The following PTPRD variants were observed in gnomAD, a reference collection of about 807,000 sequenced individuals.
PTPRD encodes receptor-type tyrosine-protein phosphatase delta.
In PTPRD, 34 loss-of-function variants were observed where a neutral mutation model predicts 214.5. The ratio of observed to expected loss-of-function variants is 0.16; its 90% CI spans 0.12 to 0.21. The LOEUF is 0.21. Ranked by LOEUF, PTPRD falls within the 10% of genes least tolerant of loss-of-function variation. The pLI is 1.00. For synonymous variants in PTPRD, 1,128 were observed against 845.7 expected (o/e 1.33, Z -5.79); for missense variants, 2,545 against 2,398.7 (o/e 1.06, Z -1.27).
intron 2 of PTPRD, among the ~76,000 whole-genome samples, chr9:10,533,827 C>T (rs1244234236): frequency 6.6e-6 from 1 of 151,736 alleles, no homozygotes; most frequent in Middle Eastern, 3.2e-3. Context: ...TTCATCTGAA[C>T]ACTAGTGACC....
At chr9:10,490,214 G>T (rs2039745373) in intron 2 of PTPRD, among the ~76,000 whole-genome samples, 1 of 152,138 alleles carries the variant, frequency 6.6e-6, no homozygotes, top group Admixed American at 6.5e-5. Flanking sequence ...GTAGACAGGA[G>T]AAAATGATTA....
At chr9:9,702,752 A>G (rs2097528578) in intron 7 of PTPRD, among the ~76,000 whole-genome samples, 1 of 152,178 alleles carries the variant, frequency 6.6e-6, no homozygotes, top group African/African-American at 2.4e-5. Context: ...GGAAATGCAT[A>G]AAAAGAGCAG....
intron 30 of PTPRD, 62 bp from the exon 31 acceptor site, chr9:8,471,147 C>G: frequency 7.2e-7 from 1 of 1,395,676 alleles, no homozygotes; most frequent in Non-Finnish European, 1.0e-6. Flanking sequence ...TGGATATACC[C>G]TTAAACCTTC....
rs2090381770 is a variant in PTPRD, at chr9:9,938,599, T to C, written c.-460A>G. On this transcript the variant is annotated 5_prime_UTR_variant, in exon 5 of 46. Transcript: ENST00000381196. ...ATCACGGGCCAGGAACTGCTTGCCT[T>C]TTATTTTCCACCTGGAACAAAACAT... The C allele has an allele frequency of 6.6e-6, 1 of 152,146 alleles. No homozygotes were observed. Among genetic ancestry groups the C allele is most frequent in the Non-Finnish European group, 1.5e-5 (1 of 68,032 alleles). The allele number at this position is 152,146 out of a possible 1,614,324, so 9.4% of individuals were successfully genotyped here. A position where few individuals can be genotyped will look rare whatever the true frequency, so the allele number is the denominator to read the frequency against.
At chr9:8,595,393 C>T (rs989678176) in intron 14 of PTPRD, among the ~76,000 whole-genome samples, 1 of 152,016 alleles carries the variant, frequency 6.6e-6, no homozygotes, top group African/African-American at 2.4e-5. Flanking sequence ...TTGAGAGAGA[C>T]AGTTTAGAAT....
At position 8,989,401 on chromosome 9, in the gene PTPRD, T is replaced by C. The variant is rs76974353; in HGVS notation, c.-104+29296A>G. Among the ~76,000 whole-genome samples, 1,421 of 152,164 alleles carry C rather than the reference T, an allele frequency of 9.3e-3. 22 individuals are homozygous for C. The highest frequency in any genetic ancestry group is 0.032 in the African/African-American group (1,316 of 41,534). On this transcript the variant is annotated intron_variant, in intron 11 of 45. Transcript: ENST00000381196. Reference sequence around the variant, plus strand: ...TCAGCCTCTAGTAATCACCAATCTATTCTCTATCTCTATGAAATCTATTTT... The same window carrying C: ...TCAGCCTCTAGTAATCACCAATCTACTCTCTATCTCTATGAAATCTATTTT...
intron 9 of PTPRD, among the ~76,000 whole-genome samples, chr9:9,187,317 C>T (rs1213774376): frequency 6.6e-6 from 1 of 151,998 alleles, no homozygotes; most frequent in African/African-American, 2.4e-5. Flanking sequence ...ACATACTTCT[C>T]ATTAGTCATT....
chr9:8,938,119 T>A (rs1588445644), intron 11 of PTPRD, among the ~76,000 whole-genome samples: 1 of 150,808 alleles, frequency 6.6e-6, no homozygotes, highest in Non-Finnish European at 1.5e-5. Context: ...GGCAAGGAGG[T>A]TTTGTAATAA....
At chr9:10,053,702 A>G (rs2097573539) in intron 3 of PTPRD, among the ~76,000 whole-genome samples, 1 of 152,142 alleles carries the variant, frequency 6.6e-6, no homozygotes, top group South Asian at 2.1e-4. Context: ...TAATTTATGA[A>G]GATACTAGAA....
chr9:10,523,498 A>G (rs1006599444), intron 2 of PTPRD, among the ~76,000 whole-genome samples: 13 of 151,076 alleles, frequency 8.6e-5, no homozygotes, highest in Non-Finnish European at 1.6e-4. Flanking sequence ...CCTTCTGACA[A>G]TAAGTCTGAC....
At chr9:10,050,217 G>GT in intron 3 of PTPRD, among the ~76,000 whole-genome samples, 2 of 152,000 alleles carry the variant, frequency 1.3e-5, no homozygotes, top group Middle Eastern at 3.4e-3. Flanking sequence ...AGGGGCAGTA[G>GT]GTGGGGATGT....
intron 2 of PTPRD, among the ~76,000 whole-genome samples, chr9:10,514,050 T>C (rs2049166143): frequency 6.6e-6 from 1 of 152,170 alleles, no homozygotes; most frequent in Non-Finnish European, 1.5e-5. Flanking sequence ...ACTACATTAA[T>C]GTCAATTCAT....
At chr9:8,626,631 T>C (rs907354212) in intron 14 of PTPRD, among the ~76,000 whole-genome samples, 1 of 151,776 alleles carries the variant, frequency 6.6e-6, no homozygotes, top group Non-Finnish European at 1.5e-5. Flanking sequence ...TGGGCAACCC[T>C]TATCCAATCA....
intron 5 of PTPRD, among the ~76,000 whole-genome samples, chr9:9,903,149 C>G (rs1378636758): frequency 6.6e-6 from 1 of 151,968 alleles, no homozygotes; most frequent in Non-Finnish European, 1.5e-5. Flanking sequence ...TTTGTTGAAT[C>G]AAATAATTTT....
intron 9 of PTPRD, among the ~76,000 whole-genome samples, chr9:9,256,143 G>A (rs578134942): frequency 6.2e-4 from 95 of 152,106 alleles, no homozygotes; most frequent in Non-Finnish European, 9.6e-4. Context: ...GTATAGAGTG[G>A]CCTTAGAAAT....
chr9:8,869,132 T>A (rs932106926), intron 11 of PTPRD, among the ~76,000 whole-genome samples: 3 of 152,182 alleles, frequency 2.0e-5, no homozygotes, highest in African/African-American at 7.2e-5. Context: ...AAATTGAAAC[T>A]AGTCTTGATT....
rs923149794 is a variant in PTPRD, at chr9:8,507,787, CATA to C, written c.1544-356_1544-354del. ...AAAGCACTTGAAATATTGCCAAAAG[CATA>C]ATAAGTACAAAATACCTAAAAGTAT... On this transcript the variant is annotated intron_variant, in intron 21 of 45. Coordinates refer to ENST00000381196, the MANE Select transcript of PTPRD (RefSeq NM_002839.4). Among the ~76,000 whole-genome samples the C allele has an allele frequency of 4.6e-5, 7 of 152,184 alleles. No individual in the cohort carries two copies. In the South Asian group the frequency reaches 6.2e-4, roughly 14 times the overall value.
intron 11 of PTPRD, among the ~76,000 whole-genome samples, chr9:8,851,528 A>G (rs1270087960): frequency 6.6e-6 from 1 of 152,188 alleles, no homozygotes; most frequent in Non-Finnish European, 1.5e-5. Context: ...ACGTACACAA[A>G]ACATCCGTAT....
At chr9:9,995,699 A>G (rs1239298906) in intron 4 of PTPRD, among the ~76,000 whole-genome samples, 1 of 151,944 alleles carries the variant, frequency 6.6e-6, no homozygotes, top group Non-Finnish European at 1.5e-5. Context: ...CTTTTACTCT[A>G]CCTACTTCCT....
Sources: gnomAD v4.1 joint callset for allele counts (sites outside exome capture counted in the v4.1 genomes callset) on GRCh38, gnomAD v4.1.1 for gene constraint, MANE v1.5 for transcripts, NCBI Gene and HGNC (gene_info 2026-07-23, HGNC 2026-07-21) for gene names.